GABRB2: variants seen among roughly 807,000 people sequenced by gnomAD.
The protein encoded by GABRB2 is gamma-aminobutyric acid receptor subunit beta-2.
GABRB2 carries 16 observed loss-of-function variants against 54.7 expected under a neutral mutation model. That is an observed-to-expected ratio of 0.29 (90% CI 0.20 to 0.44). The LOEUF (loss-of-function observed/expected upper bound fraction) is 0.44, where lower values mean the gene tolerates loss of function less well. GABRB2 is among the 20% of genes least tolerant of loss of function. The probability of loss-of-function intolerance (pLI) is 1.00; values close to 1 mark genes in which losing one functional copy is unlikely to be tolerated. For synonymous variants in GABRB2, 244 were observed against 233.8 expected, an observed-to-expected ratio of 1.04 and a Z score of -0.40; for missense variants, 355 against 644.0, an observed-to-expected ratio of 0.55 and a Z score of 4.86.
chr5:161,545,695 T>A (rs1485950901), intron 2 of GABRB2, among the ~76,000 whole-genome samples: 2 of 151,970 alleles, frequency 1.3e-5, no homozygotes, highest in Non-Finnish European at 2.9e-5. Context: ...TTGAGCTTCA[T>A]AAGAGTCTGA....
At chr5:161,493,589 T>C (rs565527899) in intron 3 of GABRB2, among the ~76,000 whole-genome samples, 63 of 151,906 alleles carry the variant, frequency 4.1e-4, no homozygotes, top group African/African-American at 1.4e-3. Flanking sequence ...AATTCCAATG[T>C]GTTTTCAGAT....
chr5:161,308,730 T>C (rs1290953469), intron 9 of GABRB2, among the ~76,000 whole-genome samples: 1 of 152,206 alleles, frequency 6.6e-6, no homozygotes, highest in African/African-American at 2.4e-5. Context: ...CTATCTGATC[T>C]TCTACAAACC....
chr5:161,482,514 T>C (rs1212141879), intron 3 of GABRB2, among the ~76,000 whole-genome samples: 5 of 152,112 alleles, frequency 3.3e-5, no homozygotes, highest in Non-Finnish European at 7.4e-5. Flanking sequence ...GTAGCTCCCT[T>C]CTTTATTGTG....
chr5:161,436,877 G>T (rs1757327430), intron 4 of GABRB2, among the ~76,000 whole-genome samples: 1 of 152,096 alleles, frequency 6.6e-6, no homozygotes, highest in Non-Finnish European at 1.5e-5. Flanking sequence ...GTGCTGTCCT[G>T]TTAGAATAGA....
intron 3 of GABRB2, among the ~76,000 whole-genome samples, chr5:161,493,726 G>C (rs1030386708): frequency 6.6e-6 from 1 of 151,688 alleles, no homozygotes; most frequent in African/African-American, 2.4e-5. Context: ...TTCAGGGTAT[G>C]TTTCCATCAC....
rs558130913 is a variant in GABRB2 at position 161,290,827 on chromosome 5, T to G, written c.*3254A>C. On this transcript the variant is annotated 3_prime_UTR_variant, in exon 10 of 10. Transcript: ENST00000393959. ...GCTTTAAACATGATTCATTTCCCCA[T>G]TACGCATTCCACTGCTCTTTCTTTA... The G allele has an allele frequency of 6.5e-6, 1 of 152,702 alleles. No individual in the cohort carries two copies. The highest frequency in any genetic ancestry group is 2.4e-5 in the African/African-American group (1 of 41,576). 9.5% of individuals were successfully genotyped at this position (152,702 alleles called of 1,614,324 possible). A position where few individuals can be genotyped will look rare whatever the true frequency, so the allele number is the denominator to read the frequency against.
intron 3 of GABRB2, among the ~76,000 whole-genome samples, chr5:161,503,260 T>C (rs1759503326): frequency 6.6e-6 from 1 of 151,832 alleles, no homozygotes; most frequent in Non-Finnish European, 1.5e-5. Context: ...TCAGCAGAGA[T>C]ATAGAAACTA....
At chr5:161,409,980 A>G (rs1465610045) in intron 5 of GABRB2, among the ~76,000 whole-genome samples, 1 of 152,140 alleles carries the variant, frequency 6.6e-6, no homozygotes, top group Non-Finnish European at 1.5e-5. Context: ...AAATTGGGCA[A>G]AAATATCCAC....
chr5:161,489,836 T>C (rs1032603445), intron 3 of GABRB2, among the ~76,000 whole-genome samples: 13 of 151,820 alleles, frequency 8.6e-5, no homozygotes. Flanking sequence ...TAGTCACCAC[T>C]TGAATATAAG....
At chr5:161,307,703 G>A (rs1757729133) in intron 9 of GABRB2, among the ~76,000 whole-genome samples, 1 of 152,060 alleles carries the variant, frequency 6.6e-6, no homozygotes, top group African/African-American at 2.4e-5. Context: ...TAGTTATGGA[G>A]CCTACCCTCA....
At chr5:161,386,924 G>C (rs770413669) in intron 5 of GABRB2, among the ~76,000 whole-genome samples, 1 of 151,892 alleles carries the variant, frequency 6.6e-6, no homozygotes, top group African/African-American at 2.4e-5. Flanking sequence ...ACTTGACCGC[G>C]TAAAAATGTA....
At chr5:161,460,285 T>C (rs1288944115) in intron 3 of GABRB2, among the ~76,000 whole-genome samples, 1 of 152,136 alleles carries the variant, frequency 6.6e-6, no homozygotes, top group Non-Finnish European at 1.5e-5. Flanking sequence ...TGTGTGTGTG[T>C]GTGTGTGTGT....
chr5:161,397,606 A>T (rs1442485296), intron 5 of GABRB2, among the ~76,000 whole-genome samples: 3 of 152,222 alleles, frequency 2.0e-5, no homozygotes, highest in Non-Finnish European at 4.4e-5. Context: ...AGGAGCAGTA[A>T]TTTAAAATAT....
intron 5 of GABRB2, among the ~76,000 whole-genome samples, chr5:161,346,499 A>G (rs1754322120): frequency 6.6e-6 from 1 of 152,136 alleles, no homozygotes; most frequent in South Asian, 2.1e-4. Flanking sequence ...GCTTTCTAAT[A>G]AGAGGTAACA....
chr5:161,475,992 A>G (rs960953411), intron 3 of GABRB2, among the ~76,000 whole-genome samples: 2 of 151,954 alleles, frequency 1.3e-5, no homozygotes, highest in South Asian at 4.1e-4. Flanking sequence ...GAAAGGAAAA[A>G]GTAAAATAAT....
Position 161,493,127 on chromosome 5 carries a change from A to G in GABRB2, c.238-33283T>C, listed in dbSNP as rs145872360. 9.1e-4 allele frequency among the ~76,000 whole-genome samples: 139 copies of G among 151,946 alleles called. 1 individual carries two copies. The highest frequency in any genetic ancestry group is 3.1e-3 in the African/African-American group (130 of 41,530). ...GATACATACTATTAAATGGCAAACAAAAAGTTTTGAATTGTTTAGAATACA... is the reference window on the plus strand; with the variant it reads ...GATACATACTATTAAATGGCAAACAGAAAGTTTTGAATTGTTTAGAATACA... On this transcript the variant is annotated intron_variant, in intron 3 of 9. Coordinates refer to ENST00000393959, the MANE Select transcript of GABRB2 (RefSeq NM_001371727.1).
At chr5:161,402,867 C>T (rs1465674626) in intron 5 of GABRB2, among the ~76,000 whole-genome samples, 1 of 152,142 alleles carries the variant, frequency 6.6e-6, no homozygotes, top group African/African-American at 2.4e-5. Context: ...CACTCATTCC[C>T]AATGCTGGCT....
At chr5:161,361,906 T>C (rs1038299266) in intron 5 of GABRB2, among the ~76,000 whole-genome samples, 16 of 152,206 alleles carry the variant, frequency 1.1e-4, no homozygotes, top group African/African-American at 3.9e-4. Flanking sequence ...TTTATGGTTT[T>C]AGGTCTTACA....
chr5:161,354,382 G>A (rs1048249170), intron 5 of GABRB2, among the ~76,000 whole-genome samples: 4 of 152,012 alleles, frequency 2.6e-5, no homozygotes, highest in Non-Finnish European at 4.4e-5. Context: ...CTGGGACTGT[G>A]AGACTCTCTA....
Sources: gnomAD v4.1 joint callset for allele counts (sites outside exome capture counted in the v4.1 genomes callset) on GRCh38, gnomAD v4.1.1 for gene constraint, MANE v1.5 for transcripts, NCBI Gene and HGNC (gene_info 2026-07-23, HGNC 2026-07-21) for gene names.